The following IL1RAPL1 variants were observed in gnomAD, a reference collection of about 807,000 sequenced individuals.
IL1RAPL1 encodes interleukin 1 receptor accessory protein like 1.
Under a neutral mutation model 48.4 loss-of-function variants are expected in IL1RAPL1, and 3 were observed. The ratio of observed to expected loss-of-function variants is 0.06; its 90% confidence interval spans 0.03 to 0.16. The LOEUF (loss-of-function observed/expected upper bound fraction) is 0.16, where lower values mean the gene tolerates loss of function less well. IL1RAPL1 is among the 10% of genes least tolerant of loss of function. The pLI is 1.00. For synonymous variants in IL1RAPL1, 185 were observed against 187.7 expected, an observed-to-expected ratio of 0.99 and a Z score of 0.12; for missense variants, 349 against 530.6, an observed-to-expected ratio of 0.66 and a Z score of 3.36.
chrX:28,747,246 C>G (rs12851394), intron 1 of IL1RAPL1, among the ~76,000 whole-genome samples: 1 of 111,325 alleles, frequency 9.0e-6, no homozygotes, highest in Admixed American at 9.7e-5. Flanking sequence ...CTTATGAGTT[C>G]TGATTCTTCT....
At chrX:29,244,730 C>T (rs1931479231) in intron 2 of IL1RAPL1, among the ~76,000 whole-genome samples, 1 of 112,402 alleles carries the variant, frequency 8.9e-6, no homozygotes, top group Non-Finnish European at 1.9e-5. Flanking sequence ...ACTAAGCAGA[C>T]TCCATGGCAA....
intron 8 of IL1RAPL1, among the ~76,000 whole-genome samples, chrX:29,934,305 A>G (rs1303513008): frequency 8.9e-6 from 1 of 111,927 alleles, no homozygotes; most frequent in African/African-American, 3.2e-5. Flanking sequence ...AGGGGTTTAG[A>G]CTTTGTTCCA....
intron 1 of IL1RAPL1, among the ~76,000 whole-genome samples, chrX:28,718,534 C>T (rs1296619598): frequency 2.7e-5 from 3 of 111,474 alleles, no homozygotes; most frequent in Non-Finnish European, 5.7e-5. Flanking sequence ...CACATCCATA[C>T]ATGAAACTTC....
At chrX:29,505,099 A>G (rs1474335441) in intron 5 of IL1RAPL1, among the ~76,000 whole-genome samples, 1 of 112,413 alleles carries the variant, frequency 8.9e-6, no homozygotes, top group Non-Finnish European at 1.9e-5. Flanking sequence ...AAAGAAAAGA[A>G]TAGAAACAAA....
rs1251356597 is a variant in IL1RAPL1 at position 29,017,739 on chromosome X, A to T, written c.82+228314A>T. Among the ~76,000 whole-genome samples, 3 of 112,217 alleles carry T rather than the reference A, an allele frequency of 2.7e-5. No individual in the cohort carries two copies. The East Asian group carries it at 8.4e-4, about 31-fold the overall frequency. ...ATAGAATGGACAGAATTGATGTTTG[A>T]AGAAATTTAGTACTCACAGAAATTT... On this transcript the variant is annotated intron_variant, in intron 2 of 10. Transcript: ENST00000378993.
At chrX:29,860,044 C>T (rs1466239744) in intron 6 of IL1RAPL1, among the ~76,000 whole-genome samples, 2 of 111,636 alleles carry the variant, frequency 1.8e-5, no homozygotes, top group African/African-American at 3.3e-5. Context: ...AATTGAAAAA[C>T]TTTGAGTTTT....
chrX:28,745,441 A>T (rs1935962836), intron 1 of IL1RAPL1, among the ~76,000 whole-genome samples: 1 of 111,750 alleles, frequency 8.9e-6, no homozygotes, highest in African/African-American at 3.3e-5. Flanking sequence ...ACTAGTAAGG[A>T]AATAGGTAGG....
At chrX:29,713,594 G>T (rs1362480830) in intron 6 of IL1RAPL1, among the ~76,000 whole-genome samples, 1 of 110,139 alleles carries the variant, frequency 9.1e-6, no homozygotes, top group Non-Finnish European at 1.9e-5. Flanking sequence ...CAGTGTTGGC[G>T]GGGTGGAGTA....
chrX:28,961,698 A>C (rs1233308583), intron 2 of IL1RAPL1, among the ~76,000 whole-genome samples: 2 of 111,200 alleles, frequency 1.8e-5, no homozygotes, highest in East Asian at 5.7e-4. Flanking sequence ...TTATGGCTGC[A>C]TAGTATTGGG....
intron 2 of IL1RAPL1, among the ~76,000 whole-genome samples, chrX:28,861,985 C>A (rs968667582): frequency 9.0e-6 from 1 of 110,947 alleles, no homozygotes; most frequent in Non-Finnish European, 1.9e-5. Flanking sequence ...TGTCCTGCAG[C>A]AATAGAATTA....
chrX:29,076,341 GA>G (rs1348940520), intron 2 of IL1RAPL1, among the ~76,000 whole-genome samples: 4 of 111,789 alleles, frequency 3.6e-5, no homozygotes, highest in Admixed American at 9.5e-5. Context: ...GTCAGAAAAA[GA>G]AAAGGGAGTT....
intron 2 of IL1RAPL1, among the ~76,000 whole-genome samples, chrX:29,101,425 AAAG>A (rs1928334862): frequency 1.8e-5 from 2 of 111,840 alleles, no homozygotes; most frequent in Non-Finnish European, 3.8e-5. Context: ...CCAAACATTT[AAAG>A]AAGAACTAAT....
At chrX:29,154,964 A>C (rs1258319592) in intron 2 of IL1RAPL1, among the ~76,000 whole-genome samples, 1 of 111,021 alleles carries the variant, frequency 9.0e-6, no homozygotes, top group Non-Finnish European at 1.9e-5. Flanking sequence ...ACAATTACTT[A>C]GCTGGCTAGA....
At chrX:28,656,882 C>T (rs183980304) in intron 1 of IL1RAPL1, among the ~76,000 whole-genome samples, 1,451 of 109,302 alleles carry the variant, frequency 0.013, 63 homozygotes, top group Admixed American at 0.1. Context: ...AAAAATTAGC[C>T]GGGCGTGGTG....
intron 6 of IL1RAPL1, among the ~76,000 whole-genome samples, chrX:29,699,165 C>A (rs1447821001): frequency 2.7e-5 from 3 of 112,135 alleles, no homozygotes; most frequent in Non-Finnish European, 3.8e-5. Context: ...TGTGCCAACC[C>A]CAGCTACTCA....
chrX:28,922,117 T>G lies in IL1RAPL1; in HGVS notation c.82+132692T>G, dbSNP rs1308108856. Among the ~76,000 whole-genome samples, 6 of 111,780 alleles carry G rather than the reference T, an allele frequency of 5.4e-5. No individual in the cohort carries two copies. The East Asian group carries it at 1.7e-3, about 32-fold the overall frequency. ...CAGTTTCTTGTATTGTAGTTTGAAA[T>G]CAAGAAACTACCTCAGTTTCTTGTA... On this transcript the variant is annotated intron_variant, in intron 2 of 10. Coordinates refer to ENST00000378993, the MANE Select transcript of IL1RAPL1 (RefSeq NM_014271.4).
At chrX:28,658,221 AATTT>A (rs2146907392) in intron 1 of IL1RAPL1, among the ~76,000 whole-genome samples, 1 of 111,963 alleles carries the variant, frequency 8.9e-6, no homozygotes, top group African/African-American at 3.2e-5. Flanking sequence ...TTATTTAATT[AATTT>A]ATTTATTTTT....
At chrX:29,045,344 G>T (rs1926931506) in intron 2 of IL1RAPL1, among the ~76,000 whole-genome samples, 1 of 112,362 alleles carries the variant, frequency 8.9e-6, no homozygotes, top group Admixed American at 9.4e-5. Flanking sequence ...GTAACTAAAT[G>T]AGTAAATGAA....
intron 2 of IL1RAPL1, among the ~76,000 whole-genome samples, chrX:28,862,211 G>A (rs1921964204): frequency 8.9e-6 from 1 of 111,918 alleles, no homozygotes; most frequent in African/African-American, 3.2e-5. Flanking sequence ...GTGTGCTTAT[G>A]TATATCTTTA....
Sources: gnomAD v4.1 joint callset for allele counts (sites outside exome capture counted in the v4.1 genomes callset) on GRCh38, gnomAD v4.1.1 for gene constraint, MANE v1.5 for transcripts, NCBI Gene and HGNC (gene_info 2026-07-23, HGNC 2026-07-21) for gene names.